LRP1B: variants seen among roughly 807,000 people sequenced by gnomAD.
The protein encoded by LRP1B is LDL receptor related protein 1B.
In LRP1B, 217 loss-of-function variants were observed where a neutral mutation model predicts 556.6. The ratio of observed to expected loss-of-function variants is 0.39; its 90% confidence interval spans 0.35 to 0.44. LRP1B has a LOEUF of 0.44. LRP1B is among the 20% of genes least tolerant of loss of function. The pLI is 1.00. For missense variants in LRP1B, 5,053 were observed against 5,620.8 expected (o/e 0.90, Z 3.23); for synonymous variants, 2,047 against 1,865.8 (o/e 1.10, Z -2.50).
chr2:141,839,507 A>G (rs577830132), intron 1 of LRP1B, among the ~76,000 whole-genome samples: 16 of 152,180 alleles, frequency 1.1e-4, no homozygotes, highest in Non-Finnish European at 2.2e-4. Context: ...TTGGATTCAT[A>G]TGGGAATCTT....
intron 37 of LRP1B, among the ~76,000 whole-genome samples, chr2:140,706,395 C>T (rs1180237571): frequency 6.6e-6 from 1 of 151,970 alleles, no homozygotes; most frequent in African/African-American, 2.4e-5. Context: ...AAATCAAATG[C>T]TATATTGTGT....
chr2:142,085,064 G>T (rs1705864333), intron 1 of LRP1B, among the ~76,000 whole-genome samples: 1 of 152,014 alleles, frequency 6.6e-6, no homozygotes, highest in African/African-American at 2.4e-5. Context: ...TTCTATTTTT[G>T]TCCACTCCAC....
intron 15 of LRP1B, among the ~76,000 whole-genome samples, chr2:140,997,963 A>G (rs1405778275): frequency 6.6e-6 from 1 of 152,032 alleles, no homozygotes. Flanking sequence ...GTGAGTTCCT[A>G]TGCACAGAGG....
chr2:141,234,989 C>T (rs1033475199), intron 5 of LRP1B, among the ~76,000 whole-genome samples: 8 of 146,060 alleles, frequency 5.5e-5, no homozygotes, highest in African/African-American at 2.0e-4. Flanking sequence ...CATTCCTTAA[C>T]TATTTTTTAA....
intron 1 of LRP1B, among the ~76,000 whole-genome samples, chr2:142,038,262 A>C (rs1369853870): frequency 6.6e-6 from 1 of 151,582 alleles, no homozygotes; most frequent in African/African-American, 2.4e-5. Context: ...TGATGCCTTG[A>C]ATGCAATGAT....
At chr2:140,536,444 T>A (rs1202115773) in intron 46 of LRP1B, 137 bp downstream of exon 46, 20 of 610,928 alleles carry the variant, frequency 3.3e-5, no homozygotes, top group Non-Finnish European at 5.2e-5. Flanking sequence ...CAAAGCCACA[T>A]CAATTGCCTT....
intron 84 of LRP1B, among the ~76,000 whole-genome samples, chr2:140,289,372 T>C (rs1683283668): frequency 6.6e-6 from 1 of 151,990 alleles, no homozygotes; most frequent in Admixed American, 6.6e-5. Context: ...ACAAGCCAAG[T>C]GTCTTCAAAA....
At chr2:141,725,247 G>T (rs1309705168) in intron 2 of LRP1B, among the ~76,000 whole-genome samples, 6 of 151,810 alleles carry the variant, frequency 4.0e-5, no homozygotes, top group African/African-American at 7.2e-5. Flanking sequence ...CATTTTTTAT[G>T]AGATTAAATG....
chr2:141,707,038 C>G (rs894206307), intron 2 of LRP1B, among the ~76,000 whole-genome samples: 1 of 152,056 alleles, frequency 6.6e-6, no homozygotes, highest in Non-Finnish European at 1.5e-5. Flanking sequence ...AAAAGAAATA[C>G]AGAGGCTGAG....
At chr2:141,629,858 T>C (rs1203286283) in intron 2 of LRP1B, among the ~76,000 whole-genome samples, 1 of 152,096 alleles carries the variant, frequency 6.6e-6, no homozygotes, top group Non-Finnish European at 1.5e-5. Flanking sequence ...TAGCAGAGAA[T>C]AGATACCCAG....
intron 22 of LRP1B, among the ~76,000 whole-genome samples, chr2:140,903,602 C>T (rs1276208047): frequency 1.3e-5 from 2 of 151,694 alleles, no homozygotes; most frequent in African/African-American, 4.8e-5. Context: ...CAAGTATATC[C>T]ATATACACAT....
chr2:141,194,710 T>C (rs908618444), intron 6 of LRP1B, among the ~76,000 whole-genome samples: 1 of 152,090 alleles, frequency 6.6e-6, no homozygotes, highest in African/African-American at 2.4e-5. Flanking sequence ...TAATTAAACA[T>C]GTTTTTGAAA....
chr2:140,860,479 G>C (rs1692755307), intron 27 of LRP1B, among the ~76,000 whole-genome samples: 1 of 152,114 alleles, frequency 6.6e-6, no homozygotes, highest in African/African-American at 2.4e-5. Flanking sequence ...GACTTTGAAA[G>C]TAAACTAAAA....
chr2:141,916,236 C>T (rs2104962837), intron 1 of LRP1B, among the ~76,000 whole-genome samples: 1 of 152,178 alleles, frequency 6.6e-6, no homozygotes, highest in East Asian at 1.9e-4. Flanking sequence ...CCGGATACTA[C>T]CCAGCCATAA....
At chr2:141,583,597 TC>T (rs1467561136) in intron 2 of LRP1B, among the ~76,000 whole-genome samples, 11 of 151,752 alleles carry the variant, frequency 7.2e-5, no homozygotes, top group African/African-American at 2.7e-4. Context: ...CACTATGTTT[TC>T]TTTTATATTA....
At chr2:141,546,618 T>C (rs1421553994) in intron 2 of LRP1B, among the ~76,000 whole-genome samples, 2 of 152,200 alleles carry the variant, frequency 1.3e-5, no homozygotes, top group Non-Finnish European at 2.9e-5. Context: ...AGGAATTACA[T>C]ATCATTTACC....
At chr2:141,267,001 C>G (rs759491946) in intron 3 of LRP1B, among the ~76,000 whole-genome samples, 5 of 152,128 alleles carry the variant, frequency 3.3e-5, no homozygotes, top group African/African-American at 1.2e-4. Flanking sequence ...GTGTGAGGTT[C>G]TCTTTTCAGA....
At chr2:141,539,118 A>G (rs1289341098) in intron 2 of LRP1B, among the ~76,000 whole-genome samples, 2 of 152,206 alleles carry the variant, frequency 1.3e-5, no homozygotes, top group Non-Finnish European at 2.9e-5. Context: ...TCAATGATTT[A>G]TGTGGTACCA....
intron 3 of LRP1B, among the ~76,000 whole-genome samples, chr2:141,396,605 A>C (rs1473998708): frequency 6.6e-6 from 1 of 152,188 alleles, no homozygotes; most frequent in Non-Finnish European, 1.5e-5. Flanking sequence ...ACTTTTTTTC[A>C]AGAACAAAAT....
Sources: allele counts gnomAD v4.1 joint callset (sites outside exome capture counted in the v4.1 genomes callset), GRCh38; gene constraint gnomAD v4.1.1; transcripts MANE v1.5; gene names NCBI Gene and HGNC (gene_info 2026-07-23, HGNC 2026-07-21).